ABCA4: variants seen among roughly 807,000 people sequenced by gnomAD.
ABCA4 encodes the protein ATP binding cassette subfamily A member 4.
Under a neutral mutation model 263.7 loss-of-function variants are expected in ABCA4, and 196 were observed. That is an observed-to-expected ratio of 0.74 (90% CI 0.66 to 0.84). The LOEUF (loss-of-function observed/expected upper bound fraction) is 0.84, where lower values mean the gene tolerates loss of function less well. ABCA4 is among the 40% of genes least tolerant of loss of function. The pLI is 0.00. For missense variants in ABCA4, 2,792 were observed against 2,855.1 expected, an observed-to-expected ratio of 0.98 and a Z score of 0.50; for synonymous variants, 1,133 against 1,094.2, an observed-to-expected ratio of 1.04 and a Z score of -0.70.
intron 43 of ABCA4, among the ~76,000 whole-genome samples, 191 bp downstream of exon 43, chr1:94,007,443 A>G (rs1219601654): frequency 6.6e-6 from 1 of 151,258 alleles, no homozygotes; most frequent in Non-Finnish European, 1.5e-5. Context: ...TAACTATCAC[A>G]ATTCAGTTCA....
intron 18 of ABCA4, among the ~76,000 whole-genome samples, chr1:94,047,412 C>T (rs535805251): frequency 3.3e-4 from 51 of 152,296 alleles, no homozygotes; most frequent in Non-Finnish European, 5.6e-4. Flanking sequence ...AGACATCAAG[C>T]GTCCTATTAA....
chr1:94,043,778 T>TC (rs1453045618), intron 20 of ABCA4, among the ~76,000 whole-genome samples: 1 of 151,864 alleles, frequency 6.6e-6, no homozygotes, highest in African/African-American at 2.4e-5. Flanking sequence ...ATCCTTTTTT[T>TC]TGAAAAAAAA....
intron 24 of ABCA4, among the ~76,000 whole-genome samples, chr1:94,037,898 T>C (rs1660386952): frequency 1.3e-5 from 2 of 152,318 alleles, no homozygotes; most frequent in South Asian, 2.1e-4. Flanking sequence ...TTCATTCTCA[T>C]TCACTGAAAA....
chr1:94,011,166 C>G, intron 39 of ABCA4, 96 bp downstream of exon 39: 2 of 1,602,544 alleles, frequency 1.2e-6, no homozygotes, highest in South Asian at 2.2e-5. Flanking sequence ...CCTCCTAGCA[C>G]CAGCCCCTGC....
chr1:94,104,192 A>G (rs1226192344), intron 4 of ABCA4, among the ~76,000 whole-genome samples: 2 of 152,164 alleles, frequency 1.3e-5, no homozygotes, highest in African/African-American at 2.4e-5. Context: ...TGCTAGTGCT[A>G]TAGTTCATGA....
intron 5 of ABCA4, among the ~76,000 whole-genome samples, chr1:94,099,389 GC>G (rs1380578236): frequency 2.0e-5 from 3 of 152,228 alleles, no homozygotes; most frequent in African/African-American, 7.2e-5. Context: ...TCCTGCTGAT[GC>G]CCTAACTTTC....
At chr1:94,071,740 G>A (rs922109636) in intron 11 of ABCA4, among the ~76,000 whole-genome samples, 5 of 152,062 alleles carry the variant, frequency 3.3e-5, no homozygotes, top group South Asian at 4.2e-4. Flanking sequence ...CCATGACCCC[G>A]GTCTACCCCT....
At chr1:94,028,867 G>A (rs769533074) in intron 30 of ABCA4, among the ~76,000 whole-genome samples, 8 of 126,666 alleles carry the variant, frequency 6.3e-5, no homozygotes, top group South Asian at 2.6e-4. Context: ...AGATCACACC[G>A]CTGCACTCCA....
intron 13 of ABCA4, among the ~76,000 whole-genome samples, chr1:94,062,267 C>G (rs1423938628): frequency 6.6e-6 from 1 of 152,206 alleles, no homozygotes; most frequent in Non-Finnish European, 1.5e-5. Context: ...ACATACCAAA[C>G]ATACTACATA....
chr1:94,037,470 G>T, intron 24 of ABCA4, 120 bp from the exon 25 acceptor site: 1 of 905,442 alleles, frequency 1.1e-6, no homozygotes, highest in Non-Finnish European at 1.8e-6. Context: ...TTTGTATCTC[G>T]GCAGTGACTC....
At chr1:94,041,738 T>TG (rs1382149718) in intron 22 of ABCA4, among the ~76,000 whole-genome samples, 1 of 152,194 alleles carries the variant, frequency 6.6e-6, no homozygotes, top group East Asian at 1.9e-4. Flanking sequence ...CATTAAGCTC[T>TG]GGATTTATAC....
intron 17 of ABCA4, among the ~76,000 whole-genome samples, chr1:94,049,745 A>G (rs1660782984): frequency 6.6e-6 from 1 of 152,138 alleles, no homozygotes; most frequent in Admixed American, 6.5e-5. Context: ...AGTATCTTGG[A>G]ATTAACACCA....
At chr1:94,078,761 G>A (rs1029171194) in intron 9 of ABCA4, 55 bp from the exon 10 acceptor site, 43 of 1,285,224 alleles carry the variant, frequency 3.3e-5, no homozygotes, top group Non-Finnish European at 4.6e-5. Flanking sequence ...AAGTGAGAGA[G>A]AACTTTTGGT....
At chr1:94,099,676 A>T (rs982741221) in intron 5 of ABCA4, among the ~76,000 whole-genome samples, 4 of 152,362 alleles carry the variant, frequency 2.6e-5, no homozygotes, top group African/African-American at 9.6e-5. Context: ...TCGAATCTGA[A>T]TTTCAGATAA....
intron 36 of ABCA4, among the ~76,000 whole-genome samples, chr1:94,017,312 T>C (rs1332505451): frequency 1.3e-5 from 2 of 152,168 alleles, no homozygotes; most frequent in African/African-American, 4.8e-5. Context: ...AGCCACCTGA[T>C]AGGATGCAGT....
chr1:94,000,736 G>A, intron 47 of ABCA4, 100 bp downstream of exon 47: 1 of 1,269,070 alleles, frequency 7.9e-7, no homozygotes, highest in Non-Finnish European at 1.2e-6. Flanking sequence ...TGCCCCAGGG[G>A]ATGACGGAGC....
intron 47 of ABCA4, among the ~76,000 whole-genome samples, chr1:93,999,594 TGTGTGCACGGCTAGCGG>T (rs1659118480): frequency 6.6e-6 from 1 of 152,060 alleles, no homozygotes; most frequent in Non-Finnish European, 1.5e-5. Context: ...CACCAGAGAG[TGTGTGCACGGCTAGCGG>T]GTGTCAGTAC....
intron 30 of ABCA4, 125 bp from the exon 31 acceptor site, chr1:94,025,173 A>T: frequency 1.2e-6 from 1 of 804,160 alleles, no homozygotes; most frequent in Non-Finnish European, 2.2e-6. Context: ...TACTAAATAA[A>T]GTACTGGCAT....
chr1:94,101,887 G>C (rs1662296344), intron 5 of ABCA4, among the ~76,000 whole-genome samples: 1 of 152,222 alleles, frequency 6.6e-6, no homozygotes, highest in Non-Finnish European at 1.5e-5. Context: ...TTATCCCAGG[G>C]CTTTGGACCC....
Sources: allele counts gnomAD v4.1 joint callset (sites outside exome capture counted in the v4.1 genomes callset), GRCh38; gene constraint gnomAD v4.1.1; transcripts MANE v1.5; gene names NCBI Gene and HGNC (gene_info 2026-07-23, HGNC 2026-07-21).